Variants in OVCH1 observed in about 807,000 individuals in gnomAD.
OVCH1 encodes the protein ovochymase 1, also known as ovochymase-1.
In OVCH1, 139 loss-of-function variants were observed where a neutral mutation model predicts 138.4. That is an observed-to-expected ratio of 1.00 (90% confidence interval 0.87 to 1.16). The LOEUF is 1.16. Ranked by LOEUF, OVCH1 falls within the 50% of genes most tolerant of loss-of-function variation. OVCH1 has a pLI of 0.00. For missense variants in OVCH1, 1,367 were observed against 1,357.9 expected, an observed-to-expected ratio of 1.01 and a Z score of -0.11; for synonymous variants, 453 against 467.8, an observed-to-expected ratio of 0.97 and a Z score of 0.41.
At chr12:29,403,769 T>C in the OVCH1 span, among the ~76,000 whole-genome samples, 6,617 of 152,312 alleles carry the variant, frequency 0.043, 448 homozygotes, top group African/African-American at 0.14. Flanking sequence ...TATCTATTTG[T>C]GCTCACAGCA....
chr12:29,433,934 T>TAA, intron 26 of OVCH1: 1 of 798,534 alleles, frequency 1.3e-6, no homozygotes, highest in Non-Finnish European at 1.7e-6. Flanking sequence ...GCTGGCTGAT[T>TAA]AAAAAAAAAT....
downstream of OVCH1, among the ~76,000 whole-genome samples, chr12:29,409,947 T>C (rs907312078): frequency 6.6e-6 from 1 of 152,042 alleles, no homozygotes; most frequent in South Asian, 2.1e-4. Context: ...GAGTCTAAGT[T>C]TCTTTGTAGG....
intron 26 of OVCH1, among the ~76,000 whole-genome samples, chr12:29,438,407 A>G (rs1234780868): frequency 1.3e-5 from 2 of 152,134 alleles, no homozygotes; most frequent in African/African-American, 4.8e-5. Context: ...GAGATTTTCA[A>G]CTAGTGCTAT....
chr12:29,486,409 T>G, intron 7 of OVCH1, 61 bp from the exon 8 acceptor site: 1 of 1,305,152 alleles, frequency 7.7e-7, no homozygotes, highest in Non-Finnish European at 1.1e-6. Flanking sequence ...TAAAACATTT[T>G]TAACAATGTG....
rs34374384 is a variant in OVCH1 at position 29,494,348 on chromosome 12, TA to T, written c.454+936del. 7.9e-5 allele frequency among the ~76,000 whole-genome samples: 12 copies of T among 151,826 alleles called. No individual in the cohort carries two copies. In the East Asian group the frequency reaches 9.7e-4, roughly 12 times the overall value. Reference sequence around the variant, plus strand: ...ACTTAACACTTCCTTTTCTTGCATTTAAAAAAAAGGGGGCTTTTAGTATTTT... The same window carrying T: ...ACTTAACACTTCCTTTTCTTGCATTTAAAAAAAGGGGGCTTTTAGTATTTT... On this transcript the variant is annotated intron_variant, in intron 4 of 27. Transcript: ENST00000318184.
exon 11 of OVCH1, chr12:29,477,423 G>A: frequency 6.2e-7 from 1 of 1,613,944 alleles, no homozygotes. Flanking sequence ...ATGGAACCAT[G>A]GCCTCACTGG....
chr12:29,497,309 C>T (rs1054433766), intron 1 of OVCH1, among the ~76,000 whole-genome samples: 1 of 147,712 alleles, frequency 6.8e-6, no homozygotes, highest in African/African-American at 2.7e-5. Context: ...CTATACTACT[C>T]CGGAAGGGAG....
chr12:29,406,432 G>T, the OVCH1 span, among the ~76,000 whole-genome samples: 27 of 152,172 alleles, frequency 1.8e-4, no homozygotes, highest in Admixed American at 5.9e-4. Flanking sequence ...CTAGCATTAG[G>T]TATATCTCCC....
chr12:29,443,526 G>C, intron 24 of OVCH1, 26 bp from the exon 25 acceptor site: 1 of 1,561,180 alleles, frequency 6.4e-7, no homozygotes, highest in Non-Finnish European at 8.7e-7. Context: ...AACAAAGTCA[G>C]AAATTATTTC....
At chr12:29,490,965 A>G in intron 5 of OVCH1, 132 bp downstream of exon 5, 1 of 728,610 alleles carries the variant, frequency 1.4e-6, no homozygotes, top group Non-Finnish European at 2.3e-6. Context: ...GGACTACCAG[A>G]AATCTTCGTT....
the OVCH1 span, among the ~76,000 whole-genome samples, chr12:29,405,032 A>AAAAC: frequency 7.3e-6 from 1 of 137,496 alleles, no homozygotes; most frequent in African/African-American, 3.2e-5. Flanking sequence ...AAAAAAAAAA[A>AAAAC]AAAAAAAAAA....
intron 25 of OVCH1, among the ~76,000 whole-genome samples, chr12:29,442,110 T>C (rs1226672565): frequency 6.6e-6 from 1 of 151,438 alleles, no homozygotes; most frequent in Non-Finnish European, 1.5e-5. Flanking sequence ...GACCCAGCCA[T>C]CCCATTACTG....
chr12:29,410,617 T>TA (rs1940942363), downstream of OVCH1, among the ~76,000 whole-genome samples: 1 of 141,210 alleles, frequency 7.1e-6, no homozygotes, highest in Admixed American at 7.6e-5. Context: ...GTTCTTTTCT[T>TA]TAAGAATGTT....
intron 25 of OVCH1, among the ~76,000 whole-genome samples, chr12:29,439,989 G>C (rs992605316): frequency 5.9e-5 from 9 of 152,160 alleles, no homozygotes; most frequent in Non-Finnish European, 1.0e-4. Flanking sequence ...CCCTCCGTGT[G>C]TTCACCAACC....
At chr12:29,434,375 G>C (rs1405402010) in intron 26 of OVCH1, among the ~76,000 whole-genome samples, 1 of 152,104 alleles carries the variant, frequency 6.6e-6, no homozygotes. Flanking sequence ...TTAGCATGAG[G>C]CCTCCACAGA....
At chr12:29,484,648 G>A (rs1943036961) in intron 8 of OVCH1, among the ~76,000 whole-genome samples, 65 bp downstream of exon 9, 1 of 152,036 alleles carries the variant, frequency 6.6e-6, no homozygotes, top group African/African-American at 2.4e-5. Flanking sequence ...GAAGTAGAGT[G>A]TTTTAAACTG....
chr12:29,482,514 T>C (rs1942967317), intron 8 of OVCH1, among the ~76,000 whole-genome samples: 1 of 152,230 alleles, frequency 6.6e-6, no homozygotes. Context: ...CCTTCTAACT[T>C]GCCCCACAAA....
At chr12:29,427,833 CAAAT>C (rs967036473) in intron 27 of OVCH1, among the ~76,000 whole-genome samples, 6 of 152,110 alleles carry the variant, frequency 3.9e-5, no homozygotes, top group African/African-American at 1.4e-4. Context: ...TGCGAGCTCA[CAAAT>C]AAATGCAAAT....
At chr12:29,479,834 T>C (rs886317236) in intron 8 of OVCH1, among the ~76,000 whole-genome samples, 6 of 149,438 alleles carry the variant, frequency 4.0e-5, no homozygotes, top group African/African-American at 1.5e-4. Context: ...CTTTTTTTTT[T>C]TTTTTTTGAG....
Sources: gnomAD v4.1 joint callset for allele counts (sites outside exome capture counted in the v4.1 genomes callset) on GRCh38, gnomAD v4.1.1 for gene constraint, MANE v1.5 for transcripts, NCBI Gene and HGNC (gene_info 2026-07-23, HGNC 2026-07-21) for gene names.